LATS2: variants seen among roughly 807,000 people sequenced by gnomAD.
The protein encoded by LATS2 is large tumor suppressor kinase 2.
Under a neutral mutation model 76.0 loss-of-function variants are expected in LATS2, and 24 were observed. The observed-to-expected ratio is 0.32, with a 90% CI of 0.23 to 0.44. LATS2 has a LOEUF of 0.44. Ranked by LOEUF, LATS2 falls within the 20% of genes least tolerant of loss-of-function variation. The pLI is 1.00. For synonymous variants in LATS2, 692 were observed against 635.4 expected (o/e 1.09, Z -1.34); for missense variants, 1,286 against 1,481.2 (o/e 0.87, Z 2.16).
In LATS2 at chr13:20,992,665, C is replaced by T. The variant is rs1314007024; in HGVS notation, c.343-1261G>A. ...CTCTGAAGGTCAACGAGGAGGGCAA[C>T]CAGGCAGGAGGAAACTGAAAATGTA... On this transcript the variant is annotated intron_variant, in intron 2 of 7. Transcript: ENST00000382592. Among the ~76,000 whole-genome samples, 4 of 152,054 alleles carry T rather than the reference C, an allele frequency of 2.6e-5. 1 individual carries two copies. Among genetic ancestry groups the T allele is most frequent in the South Asian group, 4.1e-4 (2 of 4,820 alleles).
At chr13:20,998,601 AC>A (rs1356930737) in intron 2 of LATS2, among the ~76,000 whole-genome samples, 1 of 152,022 alleles carries the variant, frequency 6.6e-6, no homozygotes, top group Non-Finnish European at 1.5e-5. Context: ...TTCCAACCCC[AC>A]CCCCACGGAA....
chr13:21,054,986 T>C (rs112850306), intron 1 of LATS2, among the ~76,000 whole-genome samples: 13,477 of 152,214 alleles, frequency 0.089, 622 homozygotes, highest in Middle Eastern at 0.11. Context: ...TAAGTGAATA[T>C]GAAAAAATAG....
chr13:21,011,538 T>C (rs1248722021), intron 2 of LATS2, among the ~76,000 whole-genome samples: 2 of 152,242 alleles, frequency 1.3e-5, no homozygotes, highest in African/African-American at 2.4e-5. Flanking sequence ...TAATTTTGCA[T>C]GGCTGAGTGA....
intron 7 of LATS2, among the ~76,000 whole-genome samples, chr13:20,975,778 G>A (rs1869592822): frequency 6.6e-6 from 1 of 152,068 alleles, no homozygotes; most frequent in Non-Finnish European, 1.5e-5. Flanking sequence ...CCGCCTCCTG[G>A]GTTCAAGCGA....
chr13:20,988,226 G>C lies in LATS2; in HGVS notation c.1554C>G (p.Tyr518Ter). ...TGCTGCGCAGCAGCAGGTGCTTCGG[G>C]TAGGGCGGAGGCGGGCACCTCCGGT... is the stretch of plus-strand genomic sequence containing the variant. ...GPDRRCPPPP[Y>*]PKHLLLRSKS... Residue 518 changes from tyrosine (Y) to a stop codon, truncating the protein, a stop_gained, in exon 4 of 8, where the codon TAC becomes TAG. Transcript: ENST00000382592. LOFTEE classifies it high-confidence loss of function. 1 of 1,607,746 alleles carries C rather than the reference G, an allele frequency of 6.2e-7. No homozygotes were observed. The highest frequency in any genetic ancestry group is 8.5e-7 in the Non-Finnish European group (1 of 1,179,352).
At position 20,974,692 on chromosome 13, in the gene LATS2, CCT is replaced by C. The variant is rs1869507753; in HGVS notation, c.*176_*177del. The C allele has an allele frequency of 3.2e-6, 2 of 626,110 alleles. No individual in the cohort carries two copies. Among genetic ancestry groups the C allele is most frequent in the Non-Finnish European group, 5.4e-6 (2 of 368,852 alleles). The allele number at this position is 626,110 out of a possible 1,614,324, so 38.8% of individuals were successfully genotyped here. A position where few individuals can be genotyped will look rare whatever the true frequency, so the allele number is the denominator to read the frequency against. Reference sequence around the variant, plus strand: ...AAGCCTATTGAAAGCGATGCTGAGTCCTGTTTTCAAAAGTGTCCTGTTTGGGT... The same window carrying C: ...AAGCCTATTGAAAGCGATGCTGAGTCGTTTTCAAAAGTGTCCTGTTTGGGT... On this transcript the variant is annotated 3_prime_UTR_variant, in exon 8 of 8. Transcript: ENST00000382592.
chr13:21,045,581 G>A, intron 2 of LATS2, 104 bp downstream of exon 2: 2 of 807,070 alleles, frequency 2.5e-6, no homozygotes. Context: ...ACTTGTATAA[G>A]TAGTAACCAA....
intron 4 of LATS2, among the ~76,000 whole-genome samples, chr13:20,987,168 C>G (rs1870187466): frequency 6.6e-6 from 1 of 151,986 alleles, no homozygotes. Flanking sequence ...GCGCTCCAGC[C>G]TGGGTGACAG....
At chr13:20,992,350 C>A (rs138137566) in intron 2 of LATS2, among the ~76,000 whole-genome samples, 1 of 152,266 alleles carries the variant, frequency 6.6e-6, no homozygotes, top group East Asian at 1.9e-4. Flanking sequence ...CTGGGACATA[C>A]GGCATCAGCA....
At chr13:21,050,143 G>GATACATACATACATACATACATAC (rs1300323573) in intron 1 of LATS2, among the ~76,000 whole-genome samples, 6 of 14,898 alleles carry the variant, frequency 4.0e-4, no homozygotes, top group East Asian at 0.019. Flanking sequence ...TAGATAGATA[G>GATACATACATACATACATACATAC]ATAGATACAT....
chr13:20,978,728 T>C (rs924006144), intron 7 of LATS2, among the ~76,000 whole-genome samples: 2 of 152,280 alleles, frequency 1.3e-5, no homozygotes, highest in East Asian at 1.9e-4. Context: ...TGATCCACTT[T>C]CAATTATTAA....
intron 2 of LATS2, among the ~76,000 whole-genome samples, chr13:21,025,043 T>C (rs1872254228): frequency 6.6e-6 from 1 of 152,180 alleles, no homozygotes; most frequent in Non-Finnish European, 1.5e-5. Context: ...AACAGGTTAC[T>C]ATCAATTATA....
intron 7 of LATS2, among the ~76,000 whole-genome samples, chr13:20,978,563 T>G (rs1222900060): frequency 6.6e-6 from 1 of 152,142 alleles, no homozygotes; most frequent in African/African-American, 2.4e-5. Flanking sequence ...AGAAACTGCT[T>G]TCTTTAGATA....
intron 1 of LATS2, among the ~76,000 whole-genome samples, chr13:21,049,079 A>G (rs1156926915): frequency 6.6e-6 from 1 of 152,188 alleles, no homozygotes; most frequent in Non-Finnish European, 1.5e-5. Flanking sequence ...TAGAGGGAAC[A>G]GCATATGCAA....
At chr13:20,993,619 A>G (rs1382272023) in intron 2 of LATS2, among the ~76,000 whole-genome samples, 1 of 151,910 alleles carries the variant, frequency 6.6e-6, no homozygotes, top group Non-Finnish European at 1.5e-5. Flanking sequence ...ATAAGAACAG[A>G]CCTGTTTGTT....
At chr13:21,022,265 T>C (rs967482348) in intron 2 of LATS2, among the ~76,000 whole-genome samples, 1 of 152,176 alleles carries the variant, frequency 6.6e-6, no homozygotes, top group African/African-American at 2.4e-5. Context: ...CATATGTGCG[T>C]GTGCATGTAT....
At position 20,988,592 on chromosome 13, in the gene LATS2, G is replaced by C. The variant is rs749280010; in HGVS notation, c.1188C>G (p.Phe396Leu). The change falls in exon 4 of 8, where the codon TTC becomes TTG. Residue 396 changes from phenylalanine (F) to leucine (L), a missense_variant. Phe to Leu is a conservative substitution (Grantham distance 22, BLOSUM62 0). Around this residue, in one of 5 missense-constraint regions of LATS2, gnomAD observed 710 missense variants for 660.9 expected, o/e 1.07. Transcript: ENST00000382592. ...LEAPPRAHVA[F>L]RPDCPVPSRT... is the part of the protein sequence containing the mutation. ...TGCTGGGCACTGGGCAGTCAGGCCG[G>C]AAGGCCACGTGCGCGCGCGGCGGCG... is the stretch of plus-strand genomic sequence containing the variant. The C allele has an allele frequency of 6.3e-7, 1 of 1,589,996 alleles. No individual in the cohort carries two copies. The highest frequency in any genetic ancestry group is 2.2e-5 in the East Asian group (1 of 44,530).
At chr13:21,014,362 G>A (rs944454490) in intron 2 of LATS2, among the ~76,000 whole-genome samples, 1 of 152,082 alleles carries the variant, frequency 6.6e-6, no homozygotes, top group African/African-American at 2.4e-5. Flanking sequence ...ATGAGCCAAA[G>A]ACAGCCCTGA....
chr13:21,003,245 A>T (rs1871122370), intron 2 of LATS2, among the ~76,000 whole-genome samples: 1 of 152,004 alleles, frequency 6.6e-6, no homozygotes, highest in Admixed American at 6.6e-5. Context: ...ATGTATTTTT[A>T]AATTTATTAT....
Sources: gnomAD v4.1 joint callset for allele counts (sites outside exome capture counted in the v4.1 genomes callset) on GRCh38, gnomAD v4.1.1 for gene constraint, gnomAD v4.1.1 regional missense constraint, MANE v1.5 for transcripts, NCBI Gene and HGNC (gene_info 2026-07-23, HGNC 2026-07-21) for gene names.